Variants in TOPBP1 observed in about 807,000 individuals in gnomAD.
TOPBP1 encodes DNA topoisomerase II binding protein 1.
In TOPBP1, 28 loss-of-function variants were observed where a neutral mutation model predicts 167.7. That is an observed-to-expected ratio of 0.17 (90% CI 0.12 to 0.23). The LOEUF is 0.23. Ranked by LOEUF, TOPBP1 falls within the 10% of genes least tolerant of loss-of-function variation. The pLI, the probability that TOPBP1 is intolerant of heterozygous loss-of-function variation, is 1.00. For missense variants in TOPBP1, 1,554 were observed against 1,809.6 expected (o/e 0.86, Z 2.56); for synonymous variants, 598 against 611.4 (o/e 0.98, Z 0.32).
chr3:133,603,605 G>A (rs1934384761), intron 27 of TOPBP1, among the ~76,000 whole-genome samples: 1 of 152,158 alleles, frequency 6.6e-6, no homozygotes, highest in Admixed American at 6.5e-5. Context: ...TAAGCCCAGA[G>A]ATACGTGTTA....
intron 19 of TOPBP1, among the ~76,000 whole-genome samples, chr3:133,622,363 T>C (rs1246349822): frequency 9.9e-5 from 15 of 152,006 alleles, no homozygotes; most frequent in African/African-American, 7.2e-5. Flanking sequence ...GGCTAATTTT[T>C]TGTATTTTTA....
intron 25 of TOPBP1, 60 bp downstream of exon 25, chr3:133,610,944 T>A (rs376001403): frequency 2.1e-6 from 3 of 1,419,620 alleles, no homozygotes; most frequent in African/African-American, 2.9e-5. Context: ...TTAAAAAAAA[T>A]GTGAAAGAGT....
chr3:133,628,850 G>C, intron 14 of TOPBP1, 117 bp from the exon 15 acceptor site: 1 of 998,476 alleles, frequency 1.0e-6, no homozygotes, highest in Non-Finnish European at 1.4e-6. Context: ...AGAGAGAAGG[G>C]GGAGAATCCT....
chr3:133,624,035 A>C lies in TOPBP1; in HGVS notation c.2928+17T>G, dbSNP rs564470701. ...TTTTCAATTAACAGAGATGGGGGGG[A>C]AAAAAGCACTGCTTACATCTAAAAG... On this transcript the variant is annotated intron_variant, in intron 17 of 27. Coordinates refer to ENST00000260810, the MANE Select transcript of TOPBP1 (RefSeq NM_007027.4). The C allele has an allele frequency of 1.3e-6, 2 of 1,595,094 alleles. No homozygotes were observed. The highest frequency in any genetic ancestry group is 1.7e-5 in the Admixed American group (1 of 57,216).
At chr3:133,620,693 C>G (rs1268324859) in intron 19 of TOPBP1, among the ~76,000 whole-genome samples, 1 of 151,542 alleles carries the variant, frequency 6.6e-6, no homozygotes, top group Non-Finnish European at 1.5e-5. Flanking sequence ...CCTGCCTCAG[C>G]CTCTCAAGTA....
chr3:133,618,997 G>A (rs1331150010), intron 20 of TOPBP1, among the ~76,000 whole-genome samples: 2 of 151,134 alleles, frequency 1.3e-5, no homozygotes, highest in South Asian at 2.1e-4. Flanking sequence ...TTTATGGTGC[G>A]ATTGTAATGA....
intron 4 of TOPBP1, among the ~76,000 whole-genome samples, chr3:133,657,441 G>A (rs1200462275): frequency 1.3e-5 from 2 of 150,556 alleles, no homozygotes; most frequent in African/African-American, 4.9e-5. Context: ...CAGTGCAGTG[G>A]CGTGATGTTG....
At chr3:133,614,393 C>T (rs915478484) in intron 23 of TOPBP1, among the ~76,000 whole-genome samples, 1 of 152,140 alleles carries the variant, frequency 6.6e-6, no homozygotes, top group African/African-American at 2.4e-5. Context: ...ACATAACAAA[C>T]TTATTCTGCG....
chr3:133,625,260 C>T (rs2107790389), intron 16 of TOPBP1, among the ~76,000 whole-genome samples: 1 of 152,268 alleles, frequency 6.6e-6, no homozygotes, highest in South Asian at 2.1e-4. Context: ...CCACCGTGCC[C>T]GGCCGCTATT....
chr3:133,634,343 T>C (rs1266315421), intron 14 of TOPBP1, among the ~76,000 whole-genome samples: 4 of 152,102 alleles, frequency 2.6e-5, no homozygotes, highest in Non-Finnish European at 2.9e-5. Flanking sequence ...ACCCCATCTC[T>C]ACTAAAAATA....
At chr3:133,621,440 C>T (rs1935085869) in intron 19 of TOPBP1, among the ~76,000 whole-genome samples, 1 of 152,098 alleles carries the variant, frequency 6.6e-6, no homozygotes, top group South Asian at 2.1e-4. Flanking sequence ...TGAAAAATAT[C>T]ACAATTAAAA....
At chr3:133,620,518 A>G (rs1935050168) in intron 19 of TOPBP1, among the ~76,000 whole-genome samples, 171 bp from the exon 20 acceptor site, 1 of 152,156 alleles carries the variant, frequency 6.6e-6, no homozygotes, top group Admixed American at 6.5e-5. Context: ...TGCAGAACAT[A>G]AAAAGCAGCC....
Position 133,657,836 on chromosome 3 carries a change from C to T in TOPBP1, c.325G>A (p.Val109Ile). The change falls in exon 4 of 28, where the codon GTA becomes ATA. Residue 109 changes from valine (V) to isoleucine (I), a missense_variant. Around this residue, in one of 3 missense-constraint regions of TOPBP1, gnomAD observed 1,197 missense variants for 1,351.5 expected, o/e 0.89. Coordinates refer to ENST00000260810, the MANE Select transcript of TOPBP1 (RefSeq NM_007027.4). ...HPVYNMVMSD[V>I]TISCTSLEKE... ...TCCAGACTTGTACAAGATATGGTTA[C>T]ATCAGACATAACCATATTATAAACT... 1 of 1,587,224 alleles carries T rather than the reference C, an allele frequency of 6.3e-7. No homozygotes were observed. Among genetic ancestry groups the T allele is most frequent in the Non-Finnish European group, 8.5e-7 (1 of 1,170,268 alleles).
At chr3:133,637,648 A>G (rs1380732437) in intron 14 of TOPBP1, among the ~76,000 whole-genome samples, 1 of 152,238 alleles carries the variant, frequency 6.6e-6, no homozygotes, top group African/African-American at 2.4e-5. Flanking sequence ...AGATCGATCC[A>G]GTACTTGAAC....
chr3:133,620,075 TG>T, intron 20 of TOPBP1, 79 bp downstream of exon 20: 1 of 1,413,344 alleles, frequency 7.1e-7, no homozygotes, highest in Non-Finnish European at 9.4e-7. Flanking sequence ...GCCAAGCTCA[TG>T]GAATTGAGTC....
At chr3:133,651,660 C>T (rs1358489443) in intron 8 of TOPBP1, among the ~76,000 whole-genome samples, 1 of 152,102 alleles carries the variant, frequency 6.6e-6, no homozygotes, top group East Asian at 1.9e-4. Context: ...GACAGTTATT[C>T]ATATACTAAA....
intron 21 of TOPBP1, chr3:133,617,645 G>T (rs937701663): frequency 5.1e-6 from 1 of 197,168 alleles, no homozygotes. Flanking sequence ...TGTAACATGA[G>T]AGCAATTCTA....
intron 14 of TOPBP1, among the ~76,000 whole-genome samples, chr3:133,630,076 G>A (rs1441473936): frequency 2.0e-5 from 3 of 151,956 alleles, no homozygotes; most frequent in Non-Finnish European, 2.9e-5. Context: ...GTGAGCCACC[G>A]CGCCTGGCTA....
intron 14 of TOPBP1, among the ~76,000 whole-genome samples, chr3:133,630,387 C>T (rs1935429922): frequency 6.6e-6 from 1 of 151,074 alleles, no homozygotes; most frequent in African/African-American, 2.4e-5. Context: ...TAACTTCTAA[C>T]TCCTGGATTC....
Sources: allele counts gnomAD v4.1 joint callset (sites outside exome capture counted in the v4.1 genomes callset), GRCh38; gene constraint gnomAD v4.1.1; regional missense constraint gnomAD v4.1.1; transcripts MANE v1.5; gene names NCBI Gene and HGNC (gene_info 2026-07-23, HGNC 2026-07-21).